Variants in DPY19L1 observed in about 807,000 individuals in gnomAD.
DPY19L1 encodes the protein protein C-mannosyl-transferase DPY19L1.
A neutral mutation model predicts 96.9 loss-of-function variants in DPY19L1; 35 were observed. That is an observed-to-expected ratio of 0.36 (90% CI 0.28 to 0.48). The LOEUF is 0.48. Among genes scored for constraint, DPY19L1 ranks in the 20% least tolerant of loss-of-function variants. The pLI, the probability that DPY19L1 is intolerant of heterozygous loss-of-function variation, is 0.99. For missense variants in DPY19L1, 521 were observed against 777.9 expected (o/e 0.67, Z 3.93); for synonymous variants, 205 against 252.6 (o/e 0.81, Z 1.79).
intron 6 of DPY19L1, among the ~76,000 whole-genome samples, chr7:35,002,626 T>C (rs1008778601): frequency 6.7e-6 from 1 of 149,688 alleles, no homozygotes; most frequent in Non-Finnish European, 1.5e-5. Flanking sequence ...CATATTGCTC[T>C]GAAATTTCAG....
chr7:35,011,231 G>A lies in DPY19L1; in HGVS notation c.670+99C>T, dbSNP rs1785702944. The A allele has an allele frequency of 8.7e-6, 12 of 1,385,176 alleles. No individual in the cohort carries two copies. In the South Asian group the frequency reaches 1.3e-4, roughly 15 times the overall value. 85.8% of individuals were successfully genotyped at this position (1,385,176 alleles called of 1,614,324 possible). A position where few individuals can be genotyped will look rare whatever the true frequency, so the allele number is the denominator to read the frequency against. On this transcript the variant is annotated intron_variant, in intron 5 of 21. Transcript: ENST00000638088. The stretch of plus-strand genomic sequence containing the variant: ...TCTATATATGCATAATAAAATGGGT[G>A]TTGTTTATACCACTAAGTTTACAGT...
At chr7:35,006,416 A>G (rs1360575347) in intron 6 of DPY19L1, among the ~76,000 whole-genome samples, 1 of 152,198 alleles carries the variant, frequency 6.6e-6, no homozygotes, top group African/African-American at 2.4e-5. Context: ...GAGAAACTTA[A>G]GCATATATGA....
At chr7:34,971,291 T>C (rs1784719905) in intron 8 of DPY19L1, among the ~76,000 whole-genome samples, 1 of 152,084 alleles carries the variant, frequency 6.6e-6, no homozygotes, top group African/African-American at 2.4e-5. Context: ...TGCCAAAATT[T>C]CAAGAAAGGA....
intron 1 of DPY19L1, among the ~76,000 whole-genome samples, chr7:35,036,646 T>C (rs1203563213): frequency 6.6e-6 from 1 of 152,164 alleles, no homozygotes; most frequent in South Asian, 2.1e-4. Flanking sequence ...ATTATAAGTT[T>C]AAGCAACTCT....
chr7:34,945,679 T>G lies in DPY19L1; in HGVS notation c.1532A>C (p.Gln511Pro), dbSNP rs1467275493. Reference sequence around the variant, plus strand: ...ATAGCATATTTACCTTACATGTGTCTGTTGTTTAGCTAAGACACCCCACAT... The same window carrying G: ...ATAGCATATTTACCTTACATGTGTCGGTTGTTTAGCTAAGACACCCCACAT... ...SDMWGVLAKQQTHVRKHQFDH... is the reference protein window; with the variant it reads ...SDMWGVLAKQPTHVRKHQFDH... Residue 511 changes from glutamine (Q) to proline (P), a missense_variant, in exon 16 of 22, where the codon CAG becomes CCG. Physicochemically the swap from Gln to Pro is moderately conservative, Grantham distance 76. Coordinates refer to ENST00000638088, the MANE Select transcript of DPY19L1 (RefSeq NM_001366673.1). The G allele has an allele frequency of 6.2e-7, 1 of 1,600,314 alleles. No homozygotes were observed. The highest frequency in any genetic ancestry group is 1.1e-5 in the South Asian group (1 of 89,242).
intron 10 of DPY19L1, among the ~76,000 whole-genome samples, chr7:34,965,015 T>C (rs1267043315): frequency 6.6e-6 from 1 of 152,150 alleles, no homozygotes; most frequent in African/African-American, 2.4e-5. Context: ...AAAAAGGATG[T>C]AGAATAACAT....
chr7:35,037,168 G>A lies in DPY19L1; in HGVS notation c.227C>T (p.Ala76Val). 6.2e-6 allele frequency: 1 copy of A among 160,090 alleles called. No individual in the cohort carries two copies. The highest frequency in any genetic ancestry group is 1.3e-5 in the Non-Finnish European group (1 of 75,164). 9.9% of individuals were successfully genotyped at this position (160,090 alleles called of 1,614,324 possible). The change falls in exon 1 of 22, where the codon GCC (alanine) becomes GTC (valine). Residue 76 changes from alanine (A) to valine (V), a missense_variant. By Grantham distance (64) the Ala-to-Val change is moderately conservative (BLOSUM62 0). Coordinates refer to ENST00000638088, the MANE Select transcript of DPY19L1 (RefSeq NM_001366673.1). ...PAGGGLGGRLAARLRWALGLR... is the reference protein window; with the variant it reads ...PAGGGLGGRLVARLRWALGLR... Reference sequence around the variant, plus strand: ...GCCCAGCGCCCAGCGCAGCCGGGCGGCCAGGCGCCCCCCAAGGCCGCCCCC... The same window carrying A: ...GCCCAGCGCCCAGCGCAGCCGGGCGACCAGGCGCCCCCCAAGGCCGCCCCC...
chr7:34,949,984 A>G (rs1285781162), intron 13 of DPY19L1, 86 bp from the exon 14 acceptor site: 1 of 704,990 alleles, frequency 1.4e-6, no homozygotes, highest in Non-Finnish European at 2.2e-6. Context: ...AATAGTTTTC[A>G]TTACATTATA....
chr7:34,966,895 A>G lies in DPY19L1; in HGVS notation c.1091T>C (p.Met364Thr). 3.3e-6 allele frequency: 5 copies of G among 1,524,812 alleles called. No individual in the cohort carries two copies. The highest frequency in any genetic ancestry group is 4.4e-6 in the Non-Finnish European group (5 of 1,134,816). 94.5% of individuals were successfully genotyped at this position (1,524,812 alleles called of 1,614,324 possible). ...AAAAGAACAATAAAAAATTATTACC[A>G]TGTGTATATAAATGATCTTCCGTAA... ...CKLRKIIYIH[M>T]ISLALCFVLM... is the part of the protein sequence containing the mutation. Residue 364 changes from methionine (M) to threonine (T), a missense_variant and splice_region_variant, in exon 10 of 22, where the codon ATG becomes ACG. Transcript: ENST00000638088.
chr7:35,016,534 G>A (rs191257475), intron 3 of DPY19L1, among the ~76,000 whole-genome samples: 18 of 152,246 alleles, frequency 1.2e-4, no homozygotes, highest in Admixed American at 4.6e-4. Context: ...GCTAATAAGT[G>A]CAAAGAAAAA....
chr7:34,967,846 A>G lies in DPY19L1; in HGVS notation c.1015-875T>C, dbSNP rs372994869. Among the ~76,000 whole-genome samples the G allele has an allele frequency of 9.2e-5, 14 of 152,368 alleles. No homozygotes were observed. The East Asian group carries it at 2.7e-3, about 29-fold the overall frequency. ...AATTTTTCCATTAGTGAGAAAAACAACAAAGTTTCCCTTTATTCAGAGTTA... is the reference window on the plus strand; with the variant it reads ...AATTTTTCCATTAGTGAGAAAAACAGCAAAGTTTCCCTTTATTCAGAGTTA... On this transcript the variant is annotated intron_variant, in intron 9 of 21. Coordinates refer to ENST00000638088, the MANE Select transcript of DPY19L1 (RefSeq NM_001366673.1).
chr7:34,966,896 T>G lies in DPY19L1; in HGVS notation c.1090A>C (p.Met364Leu). The G allele has an allele frequency of 6.6e-7, 1 of 1,525,684 alleles. No homozygotes were observed. Among genetic ancestry groups the G allele is most frequent in the South Asian group, 1.3e-5 (1 of 79,052 alleles). 94.5% of individuals were successfully genotyped at this position (1,525,684 alleles called of 1,614,324 possible). A position where few individuals can be genotyped will look rare whatever the true frequency, so the allele number is the denominator to read the frequency against. ...CKLRKIIYIH[M>L]ISLALCFVLM... Reference sequence around the variant, plus strand: ...AAAGAACAATAAAAAATTATTACCATGTGTATATAAATGATCTTCCGTAAT... The same window carrying G: ...AAAGAACAATAAAAAATTATTACCAGGTGTATATAAATGATCTTCCGTAAT... The change falls in exon 10 of 22, where the codon ATG (methionine) becomes CTG (leucine). Residue 364 changes from methionine (M) to leucine (L), a missense_variant and splice_region_variant. Physicochemically the swap from Met to Leu is conservative, Grantham distance 15. Coordinates refer to ENST00000638088, the MANE Select transcript of DPY19L1 (RefSeq NM_001366673.1).
intron 6 of DPY19L1, among the ~76,000 whole-genome samples, chr7:34,990,301 A>G (rs1430778013): frequency 3.3e-5 from 5 of 152,100 alleles, no homozygotes; most frequent in South Asian, 2.1e-4. Flanking sequence ...ACATTTCTCA[A>G]ACTGCTTTCC....
At chr7:34,989,662 T>C (rs1021088640) in intron 7 of DPY19L1, among the ~76,000 whole-genome samples, 2 of 150,782 alleles carry the variant, frequency 1.3e-5, no homozygotes, top group African/African-American at 4.9e-5. Flanking sequence ...AAAAACAGAA[T>C]TGATACAGTT....
intron 10 of DPY19L1, among the ~76,000 whole-genome samples, chr7:34,963,828 C>G (rs186618885): frequency 3.2e-4 from 48 of 152,122 alleles, no homozygotes; most frequent in African/African-American, 1.1e-3. Context: ...TTGAAATAGG[C>G]CAGTCACAAA....
intron 6 of DPY19L1, among the ~76,000 whole-genome samples, chr7:35,007,603 G>C (rs965241212): frequency 4.3e-5 from 6 of 139,548 alleles, no homozygotes; most frequent in Admixed American, 2.8e-4. Flanking sequence ...GTGTGTGTGT[G>C]TGTGTGTATA....
intron 7 of DPY19L1, among the ~76,000 whole-genome samples, chr7:34,979,769 A>G (rs1784901421): frequency 6.6e-6 from 1 of 152,150 alleles, no homozygotes; most frequent in African/African-American, 2.4e-5. Context: ...TCCTGAGAGA[A>G]ATTAAAGGAG....
At chr7:34,974,219 T>C (rs1274987038) in intron 7 of DPY19L1, among the ~76,000 whole-genome samples, 1 of 152,206 alleles carries the variant, frequency 6.6e-6, no homozygotes, top group East Asian at 1.9e-4. Flanking sequence ...CAATGTACTA[T>C]CACAGTTGTA....
At chr7:35,010,089 G>C (rs1249219787) in intron 6 of DPY19L1, among the ~76,000 whole-genome samples, 1 of 152,042 alleles carries the variant, frequency 6.6e-6, no homozygotes, top group Non-Finnish European at 1.5e-5. Context: ...AATTAGCTGA[G>C]TTTGGTGGCG....
Sources: gnomAD v4.1 joint callset for allele counts (sites outside exome capture counted in the v4.1 genomes callset) on GRCh38, gnomAD v4.1.1 for gene constraint, MANE v1.5 for transcripts, NCBI Gene and HGNC (gene_info 2026-07-23, HGNC 2026-07-21) for gene names.